CAMSAP3: variants seen among roughly 807,000 people sequenced by gnomAD.
CAMSAP3 encodes the protein calmodulin-regulated spectrin-associated protein 3.
Under a neutral mutation model 112.5 loss-of-function variants are expected in CAMSAP3, and 34 were observed. That is an observed-to-expected ratio of 0.30 (90% CI 0.23 to 0.40). The LOEUF is 0.40. CAMSAP3 is among the 10% of genes least tolerant of loss of function. The pLI, the probability that CAMSAP3 is intolerant of heterozygous loss-of-function variation, is 1.00. For missense variants in CAMSAP3, 1,602 were observed against 1,770.3 expected (o/e 0.90, Z 1.71); for synonymous variants, 868 against 799.8 (o/e 1.09, Z -1.44).
At chr19:7,604,585 C>T (rs1254364451) in intron 1 of CAMSAP3, among the ~76,000 whole-genome samples, 1 of 152,146 alleles carries the variant, frequency 6.6e-6, no homozygotes, top group Non-Finnish European at 1.5e-5. Context: ...ACTCAACTCC[C>T]TCGATGTGCC....
At chr19:7,598,086 G>A (rs917728235) in intron 1 of CAMSAP3, among the ~76,000 whole-genome samples, 6 of 152,124 alleles carry the variant, frequency 3.9e-5, no homozygotes, top group Admixed American at 1.3e-4. Context: ...GGGTGTAGAG[G>A]AGACGGCAGG....
chr19:7,606,418 G>A (rs1175558764), intron 3 of CAMSAP3, 25 bp downstream of exon 3: 2 of 1,612,778 alleles, frequency 1.2e-6, no homozygotes, highest in Admixed American at 1.7e-5. Context: ...GCCTGGGGTG[G>A]GTTCGGGGAC....
intron 1 of CAMSAP3, among the ~76,000 whole-genome samples, chr19:7,596,995 T>A (rs942860202): frequency 1.3e-5 from 2 of 152,042 alleles, no homozygotes; most frequent in Non-Finnish European, 2.9e-5. Context: ...CTGGAAACAC[T>A]CAGTCTCGGC....
At position 7,611,122 on chromosome 19, in the gene CAMSAP3, G is replaced by A. The variant is rs200200399; in HGVS notation, c.1077G>A (p.Pro359=). 37 of 1,613,632 alleles carry A rather than the reference G, an allele frequency of 2.3e-5. No homozygotes were observed. Among genetic ancestry groups the A allele is most frequent in the Admixed American group, 1.5e-4 (9 of 60,006 alleles). The change falls in exon 9 of 17, where the codon CCG becomes CCA. Residue 359 remains proline, a synonymous_variant. Transcript: ENST00000160298. This position sits in a 1 kb window ranked among gnomAD's most constrained non-coding sequence, Gnocchi z 6.9. The part of the protein sequence containing the change: ...SSSPVFTFRH[P]LLSSGGPQSP... ...CTCCTGTCTTCACCTTCCGCCACCCGCTTCTGTCATCTGGTGGCCCCCAGT... is the reference window on the plus strand; with the variant it reads ...CTCCTGTCTTCACCTTCCGCCACCCACTTCTGTCATCTGGTGGCCCCCAGT...
chr19:7,609,218 T>C (rs919645451), intron 5 of CAMSAP3, among the ~76,000 whole-genome samples: 16 of 149,262 alleles, frequency 1.1e-4, no homozygotes, highest in Non-Finnish European at 2.4e-4. Flanking sequence ...CACAGGAGGC[T>C]GAGGCAGGAG....
chr19:7,610,341 C>T lies in CAMSAP3; in HGVS notation c.761-135C>T, dbSNP rs2030412550. The T allele has an allele frequency of 2.8e-6, 2 of 710,046 alleles. No homozygotes were observed. Among genetic ancestry groups the T allele is most frequent in the South Asian group, 3.7e-5 (2 of 53,464 alleles). The allele number at this position is 710,046 out of a possible 1,614,324, so 44.0% of individuals were successfully genotyped here. On this transcript the variant is annotated intron_variant, in intron 5 of 16. Transcript: ENST00000160298. The surrounding 1 kb of genome is among the most constrained non-coding windows in gnomAD (Gnocchi z 4.9). ...TCAAAAAAAAAAAAAAAAGAATTCA[C>T]CTCTCGAAGGGCACCTGGCAGAAGC...
intron 1 of CAMSAP3, among the ~76,000 whole-genome samples, chr19:7,599,731 CA>C (rs1305477216): frequency 2.7e-5 from 3 of 111,500 alleles, no homozygotes; most frequent in Non-Finnish European, 3.7e-5. Flanking sequence ...TCCATCCACC[CA>C]CCCCACTCAT....
chr19:7,617,677 CGTG>C lies in CAMSAP3; in HGVS notation c.3444+18_3444+20del, dbSNP rs1469061673. The C allele has an allele frequency of 9.9e-6, 16 of 1,612,688 alleles. No homozygotes were observed. Among genetic ancestry groups the C allele is most frequent in the African/African-American group, 1.3e-5 (1 of 74,906 alleles). On this transcript the variant is annotated intron_variant, in intron 16 of 16. Transcript: ENST00000160298. This position sits in a 1 kb window ranked among gnomAD's most constrained non-coding sequence, Gnocchi z 7.5. ...CATTCTGGAGGTGAGCCCGCCCACA[CGTG>C]GGAGTTGGGGGCTGGTGGGTGGGTG... is the stretch of plus-strand genomic sequence containing the variant.
chr19:7,608,061 GC>G (rs2030306291), intron 4 of CAMSAP3, 64 bp from the exon 5 acceptor site: 3 of 1,573,744 alleles, frequency 1.9e-6, no homozygotes, highest in Non-Finnish European at 2.6e-6. Context: ...TCCCTGCCCA[GC>G]CTGCATGACC....
At chr19:7,613,390 G>T (rs2030614329) in intron 11 of CAMSAP3, among the ~76,000 whole-genome samples, 1 of 150,872 alleles carries the variant, frequency 6.6e-6, no homozygotes, top group Non-Finnish European at 1.5e-5. Context: ...TTGCACGGTG[G>T]GGGGCAGGTA....
At position 7,612,768 on chromosome 19, in the gene CAMSAP3, C is replaced by CCCGCCCGGCGAGTCCCGG; in HGVS notation, c.2278_2295dup (p.Ala760_Ala765dup). On this transcript the variant is annotated inframe_insertion, in exon 11 of 17. Transcript: ENST00000160298. ...GGGGCCCAAAGCTGCATCCCCCAGC[C>CCCGCCCGGCGAGTCCCGG]CCGCCCGGCGAGTCCCGGCCACCCG... 6.5e-7 allele frequency: 1 copy of CCCGCCCGGCGAGTCCCGG among 1,531,486 alleles called. No homozygotes were observed. Among genetic ancestry groups the CCCGCCCGGCGAGTCCCGG allele is most frequent in the Non-Finnish European group, 8.7e-7 (1 of 1,144,044 alleles). 94.9% of individuals were successfully genotyped at this position (1,531,486 alleles called of 1,614,324 possible). A position where few individuals can be genotyped will look rare whatever the true frequency, so the allele number is the denominator to read the frequency against.
chr19:7,618,192 T>A lies in CAMSAP3; in HGVS notation c.*135T>A. ...GGGGCTGGAGTCTCCACCCTCTGAC[T>A]TTGAGTCCAGTCCTGCTGTGGGGGC... On this transcript the variant is annotated 3_prime_UTR_variant, in exon 17 of 17. Coordinates refer to ENST00000160298, the MANE Select transcript of CAMSAP3 (RefSeq NM_020902.2). 1 of 986,322 alleles carries A rather than the reference T, an allele frequency of 1.0e-6. No homozygotes were observed. The highest frequency in any genetic ancestry group is 1.5e-6 in the Non-Finnish European group (1 of 683,360). 61.1% of individuals were successfully genotyped at this position (986,322 alleles called of 1,614,324 possible).
Position 7,617,129 on chromosome 19 carries a change from C to T in CAMSAP3, c.3213-197C>T, listed in dbSNP as rs1168652624. On this transcript the variant is annotated intron_variant, in intron 14 of 16. Coordinates refer to ENST00000160298, the MANE Select transcript of CAMSAP3 (RefSeq NM_020902.2). This position sits in a 1 kb window ranked among gnomAD's most constrained non-coding sequence, Gnocchi z 7.5. ...ACGGTGTTTCACCATGTTGGCCAGG[C>T]TGGCCTCGAACTCCCGACCTCAAGT... Among the ~76,000 whole-genome samples, 2 of 151,852 alleles carry T rather than the reference C, an allele frequency of 1.3e-5. No homozygotes were observed. The highest frequency in any genetic ancestry group is 2.4e-5 in the African/African-American group (1 of 41,328).
At chr19:7,599,474 CCACT>C (rs2029864617) in intron 1 of CAMSAP3, among the ~76,000 whole-genome samples, 1 of 101,602 alleles carries the variant, frequency 9.8e-6, no homozygotes, top group Non-Finnish European at 2.0e-5. Flanking sequence ...CCCACCCACC[CCACT>C]CATCCATCCA....
rs867732819 is a variant in CAMSAP3, at chr19:7,616,397, C to G, written c.3113-126C>G. 2.1e-4 allele frequency: 145 copies of G among 700,794 alleles called. 1 individual carries two copies. The highest frequency in any genetic ancestry group is 6.9e-4 in the Middle Eastern group (2 of 2,878). 43.4% of individuals were successfully genotyped at this position (700,794 alleles called of 1,614,324 possible). A position where few individuals can be genotyped will look rare whatever the true frequency, so the allele number is the denominator to read the frequency against. On this transcript the variant is annotated intron_variant, in intron 13 of 16. Transcript: ENST00000160298. ...ATAGAGGGGTCCCCCCATAGGGGTG[C>G]TGCAGAGGGCCGAGGGGTCTTGGGC...
intron 11 of CAMSAP3, among the ~76,000 whole-genome samples, chr19:7,613,601 C>T (rs536496562): frequency 2.0e-4 from 30 of 150,166 alleles, no homozygotes; most frequent in African/African-American, 6.4e-4. Context: ...TATGGGTGGC[C>T]GGACAAGGGG....
chr19:7,612,599 G>C lies in CAMSAP3; in HGVS notation c.2106G>C (p.Ala702=). The C allele has an allele frequency of 6.5e-7, 1 of 1,531,994 alleles. No individual in the cohort carries two copies. The highest frequency in any genetic ancestry group is 8.7e-7 in the Non-Finnish European group (1 of 1,143,500). The allele number at this position is 1,531,994 out of a possible 1,614,324, so 94.9% of individuals were successfully genotyped here. Residue 702 remains alanine, a synonymous_variant, in exon 11 of 17, where the codon GCG becomes GCC. Coordinates refer to ENST00000160298, the MANE Select transcript of CAMSAP3 (RefSeq NM_020902.2). ...PHEGLGEYNR[A]VSKLSAALSS... is the part of the protein sequence containing the mutation. ...AGGGGCTGGGGGAATACAATCGAGC[G>C]GTCAGCAAGCTGAGTGCCGCCTTGA...
At chr19:7,596,561 C>G (rs2024447770) in intron 1 of CAMSAP3, among the ~76,000 whole-genome samples, 1 of 152,268 alleles carries the variant, frequency 6.6e-6, no homozygotes, top group Non-Finnish European at 1.5e-5. Flanking sequence ...AGGATCTCCT[C>G]TCGGTCTCTT....
chr19:7,616,953 T>TTTTTTG lies in CAMSAP3; in HGVS notation c.3212+337_3212+342dup, dbSNP rs1555763719. Among the ~76,000 whole-genome samples, 990 of 131,578 alleles carry TTTTTTG rather than the reference T, an allele frequency of 7.5e-3. 4 individuals are homozygous for TTTTTTG. The highest frequency in any genetic ancestry group is 0.024 in the African/African-American group (820 of 34,030). The allele number at this position is 131,578 out of a possible 152,430, so 86.3% of individuals were successfully genotyped here. On this transcript the variant is annotated intron_variant, in intron 14 of 16. Coordinates refer to ENST00000160298, the MANE Select transcript of CAMSAP3 (RefSeq NM_020902.2). ...GCCCGCCTTTTTTTTTTTTTTTTTTTTTTTTGTTTTTTTGAGAGGGAGTCT... is the reference window on the plus strand; with the variant it reads ...GCCCGCCTTTTTTTTTTTTTTTTTTTTTTTTGTTTTTGTTTTTTTGAGAGGGAGTCT...
Sources: allele counts gnomAD v4.1 joint callset (sites outside exome capture counted in the v4.1 genomes callset), GRCh38; gene constraint gnomAD v4.1.1; non-coding constraint Gnocchi (gnomAD v3.1); transcripts MANE v1.5; gene names NCBI Gene and HGNC (gene_info 2026-07-23, HGNC 2026-07-21).